The following KCNH5 variants were observed in gnomAD, a reference collection of about 807,000 sequenced individuals.
KCNH5 encodes the protein potassium voltage-gated channel subfamily H member 5.
In KCNH5, 46 loss-of-function variants were observed where a neutral mutation model predicts 96.1. The ratio of observed to expected loss-of-function variants is 0.48; its 90% confidence interval spans 0.38 to 0.61. KCNH5 has a LOEUF of 0.61. Ranked by LOEUF, KCNH5 falls within the 20% of genes least tolerant of loss-of-function variation. The pLI, the probability that KCNH5 is intolerant of heterozygous loss-of-function variation, is 0.00. For synonymous variants in KCNH5, 439 were observed against 449.8 expected (o/e 0.98, Z 0.30); for missense variants, 907 against 1,225.8 (o/e 0.74, Z 3.88).
intron 7 of KCNH5, among the ~76,000 whole-genome samples, chr14:62,891,469 T>A (rs923981264): frequency 6.6e-6 from 1 of 152,072 alleles, no homozygotes; most frequent in Non-Finnish European, 1.5e-5. Context: ...GCTTCATTCC[T>A]GGGTGATAAA....
At chr14:62,775,450 A>G (rs1886075902) in intron 10 of KCNH5, among the ~76,000 whole-genome samples, 1 of 151,528 alleles carries the variant, frequency 6.6e-6, no homozygotes, top group African/African-American at 2.4e-5. Context: ...CCTCTTGGAG[A>G]AAAAAAAATA....
intron 1 of KCNH5, among the ~76,000 whole-genome samples, chr14:63,040,809 G>T (rs573766064): frequency 6.6e-6 from 1 of 152,048 alleles, no homozygotes; most frequent in South Asian, 2.1e-4. Context: ...CTACAAGTAA[G>T]AGATAGCTGA....
chr14:62,703,585 C>A lies in KCNH5; in HGVS notation c.*3923G>T, dbSNP rs1339351226. 1.3e-5 allele frequency: 2 copies of A among 151,772 alleles called. No homozygotes were observed. Among genetic ancestry groups the A allele is most frequent in the Non-Finnish European group, 3.0e-5 (2 of 67,740 alleles). 9.4% of individuals were successfully genotyped at this position (151,772 alleles called of 1,614,324 possible). ...ATTACACTTCTAGTTTGTGGTAAAG[C>A]TAAATTCAGAACACAAGACAAAGCT... On this transcript the variant is annotated 3_prime_UTR_variant, in exon 11 of 11. Transcript: ENST00000322893.
chr14:62,858,763 A>G (rs912003219), intron 7 of KCNH5, among the ~76,000 whole-genome samples: 1 of 152,130 alleles, frequency 6.6e-6, no homozygotes, highest in Non-Finnish European at 1.5e-5. Flanking sequence ...AATCTTGGCT[A>G]TGGGAGAAAC....
chr14:62,710,564 A>G (rs1884546149), intron 10 of KCNH5, among the ~76,000 whole-genome samples: 1 of 152,194 alleles, frequency 6.6e-6, no homozygotes, highest in South Asian at 2.1e-4. Context: ...CTTTGATTCT[A>G]TGGGTGGACA....
At chr14:62,870,946 C>A (rs1417973310) in intron 7 of KCNH5, among the ~76,000 whole-genome samples, 2 of 152,118 alleles carry the variant, frequency 1.3e-5, no homozygotes, top group Non-Finnish European at 2.9e-5. Context: ...TGTTTTGAAT[C>A]ATTGTCTAAA....
chr14:62,935,414 A>T (rs1889660046), intron 7 of KCNH5, among the ~76,000 whole-genome samples: 1 of 152,200 alleles, frequency 6.6e-6, no homozygotes, highest in Non-Finnish European at 1.5e-5. Context: ...AGAATTAAAG[A>T]ATATAATTAG....
intron 9 of KCNH5, among the ~76,000 whole-genome samples, chr14:62,792,796 T>C (rs2139990208): frequency 6.6e-6 from 1 of 151,818 alleles, no homozygotes; most frequent in East Asian, 1.9e-4. Context: ...GACTTCTGAG[T>C]ATGTATCCAA....
intron 7 of KCNH5, among the ~76,000 whole-genome samples, chr14:62,868,685 T>A (rs936574385): frequency 5.3e-5 from 8 of 152,098 alleles, no homozygotes; most frequent in African/African-American, 1.9e-4. Flanking sequence ...ATCCCTCCCC[T>A]ATCCCCCTAC....
intron 9 of KCNH5, among the ~76,000 whole-genome samples, chr14:62,788,833 A>T (rs1276869096): frequency 6.6e-6 from 1 of 152,088 alleles, no homozygotes; most frequent in Non-Finnish European, 1.5e-5. Flanking sequence ...TCTAGACATA[A>T]TGTTATTGCA....
intron 9 of KCNH5, among the ~76,000 whole-genome samples, chr14:62,796,165 C>A (rs760106283): frequency 6.6e-6 from 1 of 152,056 alleles, no homozygotes; most frequent in Admixed American, 6.6e-5. Context: ...CACAATTATA[C>A]CTTAGGAAGA....
chr14:62,720,722 G>A (rs1884791711), intron 10 of KCNH5, among the ~76,000 whole-genome samples: 1 of 152,132 alleles, frequency 6.6e-6, no homozygotes, highest in African/African-American at 2.4e-5. Context: ...TGGATGTGCT[G>A]GATGAATAAT....
Position 62,701,823 on chromosome 14 carries a change from C to T in KCNH5, c.*5685G>A, listed in dbSNP as rs1884352797. The T allele has an allele frequency of 6.6e-6, 1 of 151,986 alleles. No homozygotes were observed. Among genetic ancestry groups the T allele is most frequent in the African/African-American group, 2.4e-5 (1 of 41,402 alleles). The allele number at this position is 151,986 out of a possible 1,614,324, so 9.4% of individuals were successfully genotyped here. ...ATTGAAACTCTCTGAAGTAAATATA[C>T]ATACTGTGAGCTCATTAATTTTGGA... On this transcript the variant is annotated 3_prime_UTR_variant, in exon 11 of 11. Coordinates refer to ENST00000322893, the MANE Select transcript of KCNH5 (RefSeq NM_139318.5).
chr14:63,039,877 G>T (rs1891790027), intron 1 of KCNH5, among the ~76,000 whole-genome samples: 1 of 151,952 alleles, frequency 6.6e-6, no homozygotes, highest in African/African-American at 2.4e-5. Flanking sequence ...AGTCAAATTT[G>T]GGGGGTGGCA....
At position 63,001,344 on chromosome 14, in the gene KCNH5, A is replaced by T; in HGVS notation, c.420T>A (p.Asp140Glu). 1 of 1,600,020 alleles carries T rather than the reference A, an allele frequency of 6.2e-7. No individual in the cohort carries two copies. The highest frequency in any genetic ancestry group is 1.1e-5 in the South Asian group (1 of 87,796). ...TTTGAAAATTACCTTTTGTTGAATC[A>T]TCCTCTATTGGCTGTTTGAACAACG... ...DITLFKQPIE[D>E]DSTKGWTKFA... Residue 140 changes from aspartate to glutamate, a missense_variant, in exon 4 of 11, where the codon GAT becomes GAA. By Grantham distance (45) the Asp-to-Glu change is conservative. Around this residue, in one of 6 missense-constraint regions of KCNH5, gnomAD observed 370 missense variants for 561.3 expected, o/e 0.66. Transcript: ENST00000322893.
chr14:62,976,210 C>T (rs1270396381), intron 6 of KCNH5, among the ~76,000 whole-genome samples: 1 of 151,686 alleles, frequency 6.6e-6, no homozygotes, highest in East Asian at 1.9e-4. Context: ...ACCATCCTGG[C>T]TAACATGGTG....
At chr14:62,715,613 C>A (rs1440759046) in intron 10 of KCNH5, among the ~76,000 whole-genome samples, 1 of 152,184 alleles carries the variant, frequency 6.6e-6, no homozygotes, top group Non-Finnish European at 1.5e-5. Context: ...CTTAGGGTAA[C>A]AATGATGCAT....
chr14:62,902,578 T>A (rs971964287), intron 7 of KCNH5, among the ~76,000 whole-genome samples: 3 of 152,176 alleles, frequency 2.0e-5, no homozygotes, highest in Non-Finnish European at 4.4e-5. Flanking sequence ...GTATATTTTG[T>A]AAGAGCCCAA....
In KCNH5 at chr14:62,699,533, G is replaced by A. The variant is rs1471048111; in HGVS notation, c.*7975C>T. ...ACATTTAAATAAAGTGTGAAAAAAA[G>A]CAAAGTTAGTCCTCCCTGATGAAAT... On this transcript the variant is annotated 3_prime_UTR_variant, in exon 11 of 11. Coordinates refer to ENST00000322893, the MANE Select transcript of KCNH5 (RefSeq NM_139318.5). 2.6e-5 allele frequency: 4 copies of A among 152,040 alleles called. No individual in the cohort carries two copies. Among genetic ancestry groups the A allele is most frequent in the African/African-American group, 9.7e-5 (4 of 41,412 alleles). 9.4% of individuals were successfully genotyped at this position (152,040 alleles called of 1,614,324 possible). A position where few individuals can be genotyped will look rare whatever the true frequency, so the allele number is the denominator to read the frequency against.
Sources: allele counts gnomAD v4.1 joint callset (sites outside exome capture counted in the v4.1 genomes callset), GRCh38; gene constraint gnomAD v4.1.1; regional missense constraint gnomAD v4.1.1; transcripts MANE v1.5; gene names NCBI Gene and HGNC (gene_info 2026-07-23, HGNC 2026-07-21).